IGLL5: variants seen among roughly 807,000 people sequenced by gnomAD.
The protein encoded by IGLL5 is immunoglobulin lambda-like polypeptide 5.
Under a neutral mutation model 20.9 loss-of-function variants are expected in IGLL5, and 30 were observed. That is an observed-to-expected ratio of 1.44 (90% CI 1.07 to 1.95). IGLL5 has a LOEUF of 1.95. Ranked by LOEUF, IGLL5 falls within the 30% of genes most tolerant of loss-of-function variation. IGLL5 has a pLI of 0.00. For synonymous variants in IGLL5, 203 were observed against 117.3 expected, an observed-to-expected ratio of 1.73 and a Z score of -4.72; for missense variants, 475 against 270.7, an observed-to-expected ratio of 1.75 and a Z score of -5.30.
At chr22:22,889,446 T>C (rs1441555670) in intron 1 of IGLL5, among the ~76,000 whole-genome samples, 2 of 151,052 alleles carry the variant, frequency 1.3e-5, no homozygotes, top group Non-Finnish European at 1.5e-5. Context: ...ATCCTAAGGG[T>C]TGGTTGGGGG....
In IGLL5 at chr22:22,890,266, T is replaced by G. The variant is rs78627513; in HGVS notation, c.206+2007T>G. On this transcript the variant is annotated intron_variant, in intron 1 of 2. Coordinates refer to ENST00000526893, the MANE Select transcript of IGLL5 (RefSeq NM_001178126.2). ...CCAGAGATAGCCACTGTCAGGTTGGTCAATATACTTCCAGAACTTTTCCTG... is the reference window on the plus strand; with the variant it reads ...CCAGAGATAGCCACTGTCAGGTTGGGCAATATACTTCCAGAACTTTTCCTG... Among the ~76,000 whole-genome samples, 2 of 149,692 alleles carry G rather than the reference T, an allele frequency of 1.3e-5. 1 individual carries two copies. Among genetic ancestry groups the G allele is most frequent in the Non-Finnish European group, 3.0e-5 (2 of 67,576 alleles).
chr22:22,894,379 G>A (rs1187473081), intron 2 of IGLL5, among the ~76,000 whole-genome samples: 3 of 151,498 alleles, frequency 2.0e-5, no homozygotes, highest in East Asian at 2.0e-4. Flanking sequence ...TCTGTGGCCT[G>A]TGCTGGGTCA....
intron 2 of IGLL5, 67 bp downstream of exon 2, chr22:22,893,885 T>G: frequency 2.8e-6 from 3 of 1,085,734 alleles, no homozygotes; most frequent in South Asian, 1.3e-5. Flanking sequence ...CTGTTTTCTC[T>G]CTCTGGGGCT....
At chr22:22,888,827 A>T (rs551733623) in intron 1 of IGLL5, among the ~76,000 whole-genome samples, 2 of 151,428 alleles carry the variant, frequency 1.3e-5, no homozygotes, top group Admixed American at 6.6e-5. Flanking sequence ...TCATTGGAAC[A>T]GGCCCACGGC....
At chr22:22,894,478 T>G (rs2068036872) in intron 2 of IGLL5, among the ~76,000 whole-genome samples, 1 of 151,296 alleles carries the variant, frequency 6.6e-6, no homozygotes, top group Non-Finnish European at 1.5e-5. Flanking sequence ...AAGGAGACAG[T>G]CTCTTAGGGC....
At chr22:22,889,427 T>C (rs1358714339) in intron 1 of IGLL5, among the ~76,000 whole-genome samples, 4 of 151,302 alleles carry the variant, frequency 2.6e-5, no homozygotes, top group South Asian at 2.1e-4. Context: ...ATTCCACTTC[T>C]AGGAATTTAT....
intron 1 of IGLL5, among the ~76,000 whole-genome samples, chr22:22,888,953 T>C (rs1218667045): frequency 2.6e-5 from 4 of 151,170 alleles, no homozygotes; most frequent in East Asian, 2.0e-4. Flanking sequence ...CAGAGCAGCG[T>C]CAGAGGAGAG....
chr22:22,894,351 C>T, intron 2 of IGLL5, among the ~76,000 whole-genome samples: 1 of 151,452 alleles, frequency 6.6e-6, no homozygotes, highest in African/African-American at 2.4e-5. Flanking sequence ...AGAGAGGGCT[C>T]TGGGTCTAGG....
rs1257646678 is a variant in IGLL5, at chr22:22,895,483, C to T, written c.434C>T (p.Ala145Val). 3.7e-6 allele frequency: 6 copies of T among 1,612,782 alleles called. No individual in the cohort carries two copies. The highest frequency in any genetic ancestry group is 1.1e-5 in the South Asian group (1 of 91,002). ...CTGATCAGTGACTTCTACCCGGGAGCTGTGACAGTGGCCTGGAAGGCAGAT... is the reference window on the plus strand; with the variant it reads ...CTGATCAGTGACTTCTACCCGGGAGTTGTGACAGTGGCCTGGAAGGCAGAT... ...VCLISDFYPG[A>V]VTVAWKADGS... Residue 145 changes from alanine to valine, a missense_variant, in exon 3 of 3, where the codon GCT (alanine) becomes GTT (valine). Physicochemically the swap from Ala to Val is moderately conservative, Grantham distance 64. Coordinates refer to ENST00000526893, the MANE Select transcript of IGLL5 (RefSeq NM_001178126.2).
intron 1 of IGLL5, among the ~76,000 whole-genome samples, chr22:22,888,780 A>T (rs573577562): frequency 1.3e-5 from 2 of 151,412 alleles, no homozygotes; most frequent in South Asian, 2.1e-4. Context: ...GCTCAAGGAC[A>T]CAGGGAGGGT....
chr22:22,888,351 GA>G, intron 1 of IGLL5, 92 bp downstream of exon 1: 1 of 1,229,374 alleles, frequency 8.1e-7, no homozygotes, highest in Non-Finnish European at 1.1e-6. Context: ...GAGTGAGGAG[GA>G]AGGTTAACCC....
Position 22,888,103 on chromosome 22 carries a change from G to GCCCT in IGLL5, c.51_54dup (p.Gly19ProfsTer74), listed in dbSNP as rs753564806. The GCCCT allele has an allele frequency of 4.8e-5, 74 of 1,549,350 alleles. No individual in the cohort carries two copies. Among genetic ancestry groups the GCCCT allele is most frequent in the Non-Finnish European group, 6.1e-5 (70 of 1,146,660 alleles). ...GGTTGTGAGACCCCTGAGGAGCTGG[G>GCCCT]CCCTGGTCCCAGGCAGCGCTGGCCC... On this transcript the variant is annotated frameshift_variant, in exon 1 of 3. Transcript: ENST00000526893. LOFTEE classifies it high-confidence loss of function.
At chr22:22,889,945 T>A (rs532718622) in intron 1 of IGLL5, among the ~76,000 whole-genome samples, 2 of 151,178 alleles carry the variant, frequency 1.3e-5, no homozygotes, top group Non-Finnish European at 2.9e-5. Context: ...TGTCAGAAAA[T>A]ATAGAAAAAT....
At chr22:22,891,530 T>A (rs976845194) in intron 1 of IGLL5, among the ~76,000 whole-genome samples, 5 of 151,172 alleles carry the variant, frequency 3.3e-5, no homozygotes, top group African/African-American at 9.7e-5. Context: ...ATTCTTAGAG[T>A]TGGACTGCAG....
rs574844829 is a variant in IGLL5, at chr22:22,893,741, G to A, written c.248G>A (p.Cys83Tyr). Reference protein sequence around the residue: ...QPSPQRADPRCWPRGFWSEPQ... With the variant: ...QPSPQRADPRYWPRGFWSEPQ... ...AGCCCCCAGAGAGCAGACCCCAGGT[G>A]CTGGCCCCGGGGGTTTTGGTCTGAG... is the stretch of plus-strand genomic sequence containing the variant. Residue 83 changes from cysteine to tyrosine, a missense_variant, in exon 2 of 3, where the codon TGC (cysteine) becomes TAC (tyrosine). Physicochemically the swap from Cys to Tyr is radical, Grantham distance 194. Coordinates refer to ENST00000526893, the MANE Select transcript of IGLL5 (RefSeq NM_001178126.2). The A allele has an allele frequency of 3.1e-6, 5 of 1,607,368 alleles. No homozygotes were observed. In the African/African-American group the frequency reaches 4.0e-5, roughly 13 times the overall value.
chr22:22,893,897 C>G, intron 2 of IGLL5, 79 bp downstream of exon 2: 2 of 984,948 alleles, frequency 2.0e-6, no homozygotes, highest in Admixed American at 1.7e-5. Flanking sequence ...TCTGGGGCTT[C>G]CTCCCCTCTG....
intron 1 of IGLL5, among the ~76,000 whole-genome samples, chr22:22,889,193 G>A (rs1601606835): frequency 6.6e-6 from 1 of 151,204 alleles, no homozygotes; most frequent in Middle Eastern, 3.7e-3. Context: ...TCCAGGGTAG[G>A]TGGGGATCCT....
chr22:22,889,766 A>G (rs554236310), intron 1 of IGLL5, among the ~76,000 whole-genome samples: 2 of 151,192 alleles, frequency 1.3e-5, no homozygotes, highest in South Asian at 2.1e-4. Flanking sequence ...TTTGATTAGG[A>G]TTATTATTAG....
intron 2 of IGLL5, among the ~76,000 whole-genome samples, chr22:22,894,178 G>C (rs1601624262): frequency 1.3e-5 from 2 of 151,486 alleles, no homozygotes; most frequent in East Asian, 2.0e-4. Context: ...AAGGACAGAG[G>C]CTGCTGGGGT....
Sources: allele counts gnomAD v4.1 joint callset (sites outside exome capture counted in the v4.1 genomes callset), GRCh38; gene constraint gnomAD v4.1.1; transcripts MANE v1.5; gene names NCBI Gene and HGNC (gene_info 2026-07-23, HGNC 2026-07-21).